Variants in CSMD1 observed in about 807,000 individuals in gnomAD.
The protein encoded by CSMD1 is CUB and sushi domain-containing protein 1.
CSMD1 carries 213 observed loss-of-function variants against 417.5 expected under a neutral mutation model. The ratio of observed to expected loss-of-function variants is 0.51; its 90% CI spans 0.46 to 0.57. The LOEUF (loss-of-function observed/expected upper bound fraction) is 0.57, where lower values mean the gene tolerates loss of function less well. Among genes scored for constraint, CSMD1 ranks in the 20% least tolerant of loss-of-function variants. CSMD1 has a pLI of 0.00. For synonymous variants in CSMD1, 2,862 were observed against 1,736.8 expected, an observed-to-expected ratio of 1.65 and a Z score of -16.11; for missense variants, 6,923 against 4,529.7, an observed-to-expected ratio of 1.53 and a Z score of -15.17.
At chr8:4,739,229 G>C (rs1308463208) in intron 1 of CSMD1, among the ~76,000 whole-genome samples, 1 of 152,112 alleles carries the variant, frequency 6.6e-6, no homozygotes, top group African/African-American at 2.4e-5. Flanking sequence ...CTATGTTGTT[G>C]AGCCTGCCAA....
intron 3 of CSMD1, among the ~76,000 whole-genome samples, chr8:4,406,603 C>T (rs916315269): frequency 2.6e-5 from 4 of 152,092 alleles, no homozygotes; most frequent in African/African-American, 7.2e-5. Flanking sequence ...ACACCCACAC[C>T]AAGGAAAGTG....
chr8:3,954,053 C>A (rs1425094818), intron 5 of CSMD1, among the ~76,000 whole-genome samples: 1 of 152,156 alleles, frequency 6.6e-6, no homozygotes, highest in Non-Finnish European at 1.5e-5. Flanking sequence ...CTTGGGAGCT[C>A]CTGTCCCCGG....
rs772475431 is a variant in CSMD1, at chr8:3,475,690, G to C, written c.1449-6866C>G. Among the ~76,000 whole-genome samples, 3 of 152,158 alleles carry C rather than the reference G, an allele frequency of 2.0e-5. No individual in the cohort carries two copies. The East Asian group carries it at 5.8e-4, about 29-fold the overall frequency. The stretch of plus-strand genomic sequence containing the variant: ...CTGCTGTCTCACATTGATATGTCTG[G>C]TTGCAGTCAGTATCGATGTTGAACT... On this transcript the variant is annotated intron_variant, in intron 11 of 69. Coordinates refer to ENST00000635120, the MANE Select transcript of CSMD1 (RefSeq NM_033225.6).
intron 3 of CSMD1, among the ~76,000 whole-genome samples, chr8:4,286,887 T>C (rs910252467): frequency 6.6e-6 from 1 of 152,222 alleles, no homozygotes; most frequent in Non-Finnish European, 1.5e-5. Flanking sequence ...CTTCATTCCA[T>C]TGTGGCCAAG....
At chr8:3,558,475 G>C (rs1185789207) in intron 10 of CSMD1, among the ~76,000 whole-genome samples, 2 of 150,338 alleles carry the variant, frequency 1.3e-5, no homozygotes, top group Admixed American at 6.6e-5. Flanking sequence ...AGTACCCCAT[G>C]TCCACTCCTC....
At chr8:4,896,801 CG>C (rs1446800787) in intron 1 of CSMD1, among the ~76,000 whole-genome samples, 1 of 151,742 alleles carries the variant, frequency 6.6e-6, no homozygotes, top group Non-Finnish European at 1.5e-5. Context: ...CGGGGTAGGG[CG>C]GGGGGAAGTG....
chr8:4,923,968 A>G (rs1350910197), intron 1 of CSMD1, among the ~76,000 whole-genome samples: 1 of 152,176 alleles, frequency 6.6e-6, no homozygotes, highest in Non-Finnish European at 1.5e-5. Context: ...TTGCATCTGA[A>G]TCATCCTTTG....
chr8:4,022,695 G>A (rs898714682), intron 4 of CSMD1, among the ~76,000 whole-genome samples: 1 of 152,100 alleles, frequency 6.6e-6, no homozygotes, highest in African/African-American at 2.4e-5. Context: ...GAAGGCAAGT[G>A]GGATATTGAA....
chr8:2,972,679 T>TA (rs1288565948), intron 57 of CSMD1, among the ~76,000 whole-genome samples: 2 of 152,158 alleles, frequency 1.3e-5, no homozygotes, highest in Non-Finnish European at 2.9e-5. Context: ...TCCTGTGAAA[T>TA]AGAGTGCTCC....
At chr8:3,576,244 C>T (rs1366114573) in intron 9 of CSMD1, among the ~76,000 whole-genome samples, 1 of 150,260 alleles carries the variant, frequency 6.7e-6, no homozygotes, top group Non-Finnish European at 1.5e-5. Flanking sequence ...AAGAACCAGA[C>T]ATTTCTCTCT....
intron 5 of CSMD1, among the ~76,000 whole-genome samples, chr8:3,787,508 G>T (rs372302648): frequency 5.9e-5 from 9 of 152,180 alleles, no homozygotes; most frequent in African/African-American, 2.2e-4. Context: ...CTTATCAGAA[G>T]AACCTAACAG....
chr8:3,407,815 T>G, intron 14 of CSMD1, 84 bp downstream of exon 14: 3 of 1,173,196 alleles, frequency 2.6e-6, no homozygotes, highest in South Asian at 3.2e-5. Context: ...AACCTTGAAA[T>G]GCAACTTCAC....
intron 3 of CSMD1, among the ~76,000 whole-genome samples, chr8:4,063,136 C>CA (rs1200384100): frequency 6.6e-6 from 1 of 151,982 alleles, no homozygotes; most frequent in Non-Finnish European, 1.5e-5. Flanking sequence ...TTGTGTATTT[C>CA]AAAATGCCTA....
chr8:4,765,901 T>C (rs1029905664), intron 1 of CSMD1, among the ~76,000 whole-genome samples: 1 of 152,200 alleles, frequency 6.6e-6, no homozygotes, highest in Non-Finnish European at 1.5e-5. Context: ...AACATTTATA[T>C]CATTAAATGC....
intron 7 of CSMD1, among the ~76,000 whole-genome samples, chr8:3,617,062 C>T (rs979205172): frequency 2.6e-5 from 4 of 152,076 alleles, no homozygotes; most frequent in African/African-American, 9.7e-5. Flanking sequence ...TAAAAAATCT[C>T]ATTTGGTCCT....
chr8:3,431,513 T>A (rs1343477270), intron 12 of CSMD1, among the ~76,000 whole-genome samples: 1 of 152,082 alleles, frequency 6.6e-6, no homozygotes, highest in East Asian at 1.9e-4. Flanking sequence ...CCCATCCCCA[T>A]GCCTTTTTTC....
chr8:3,941,545 G>A (rs1267650648), intron 5 of CSMD1, among the ~76,000 whole-genome samples: 1 of 152,032 alleles, frequency 6.6e-6, no homozygotes, highest in Non-Finnish European at 1.5e-5. Flanking sequence ...CTCTCTCTCC[G>A]AGCAGTGGGT....
rs181353255 is a variant in CSMD1, at chr8:2,996,614, G to A, written c.8377+1397C>T. 4.7e-4 allele frequency among the ~76,000 whole-genome samples: 72 copies of A among 152,276 alleles called. No individual in the cohort carries two copies. The East Asian group carries it at 0.011, about 23-fold the overall frequency. On this transcript the variant is annotated intron_variant, in intron 54 of 69. Coordinates refer to ENST00000635120, the MANE Select transcript of CSMD1 (RefSeq NM_033225.6). ...TTGAGCTCCAGAGCATATTTTGCTA[G>A]GCCCTGCTCCATACTTCCTAAAACA...
At chr8:3,143,523 T>C (rs1467135851) in intron 40 of CSMD1, among the ~76,000 whole-genome samples, 1 of 152,218 alleles carries the variant, frequency 6.6e-6, no homozygotes, top group African/African-American at 2.4e-5. Flanking sequence ...GTTATTTGCA[T>C]TGTGGCATTT....
Sources: gnomAD v4.1 joint callset for allele counts (sites outside exome capture counted in the v4.1 genomes callset) on GRCh38, gnomAD v4.1.1 for gene constraint, MANE v1.5 for transcripts, NCBI Gene and HGNC (gene_info 2026-07-23, HGNC 2026-07-21) for gene names.